RFFL: variants seen among roughly 807,000 people sequenced by gnomAD.
The protein encoded by RFFL is E3 ubiquitin-protein ligase rififylin.
Under a neutral mutation model 40.4 loss-of-function variants are expected in RFFL, and 16 were observed. That is an observed-to-expected ratio of 0.40 (90% CI 0.27 to 0.60). The LOEUF (loss-of-function observed/expected upper bound fraction) is 0.60. Ranked by LOEUF, RFFL falls within the 20% of genes least tolerant of loss-of-function variation. RFFL has a pLI of 0.47. For missense variants in RFFL, 367 were observed against 451.7 expected, an observed-to-expected ratio of 0.81 and a Z score of 1.70; for synonymous variants, 154 against 167.9, an observed-to-expected ratio of 0.92 and a Z score of 0.64.
intron 1 of RFFL, among the ~76,000 whole-genome samples, chr17:35,059,150 G>C (rs1266547380): frequency 1.3e-5 from 2 of 151,538 alleles, no homozygotes; most frequent in Non-Finnish European, 2.9e-5. Context: ...TCCCAAGTAG[G>C]TGGGATTACA....
chr17:35,041,896 T>A (rs901499178), intron 1 of RFFL, among the ~76,000 whole-genome samples: 1 of 152,010 alleles, frequency 6.6e-6, no homozygotes, highest in African/African-American at 2.4e-5. Flanking sequence ...ATGCCTGTAG[T>A]CCCAGCTACT....
At chr17:35,057,851 A>G (rs1166534920) in intron 1 of RFFL, among the ~76,000 whole-genome samples, 2 of 151,950 alleles carry the variant, frequency 1.3e-5, no homozygotes, top group African/African-American at 4.8e-5. Context: ...TCAATCATGC[A>G]TTCAATCAAC....
chr17:35,058,208 ATATC>A (rs1260343576), intron 1 of RFFL, among the ~76,000 whole-genome samples: 2 of 152,020 alleles, frequency 1.3e-5, no homozygotes, highest in Non-Finnish European at 2.9e-5. Context: ...CTTACATATT[ATATC>A]TATCTATCCC....
At chr17:35,045,309 T>G (rs2091192537) in intron 1 of RFFL, among the ~76,000 whole-genome samples, 1 of 152,066 alleles carries the variant, frequency 6.6e-6, no homozygotes, top group Non-Finnish European at 1.5e-5. Context: ...CTCAGATCAC[T>G]GCAACCTCCA....
chr17:35,034,629 A>G (rs2091108092), intron 1 of RFFL, among the ~76,000 whole-genome samples: 1 of 151,940 alleles, frequency 6.6e-6, no homozygotes, highest in South Asian at 2.1e-4. Flanking sequence ...CCCATGTTAA[A>G]GCGATTCTCC....
At chr17:35,063,324 G>A (rs1042624604) in intron 1 of RFFL, among the ~76,000 whole-genome samples, 9 of 151,582 alleles carry the variant, frequency 5.9e-5, no homozygotes, top group Non-Finnish European at 1.0e-4. Context: ...GCATGGTGGC[G>A]CACATCTATA....
At chr17:35,073,430 G>C (rs947794633) in intron 1 of RFFL, among the ~76,000 whole-genome samples, 2 of 152,136 alleles carry the variant, frequency 1.3e-5, no homozygotes, top group African/African-American at 4.8e-5. Flanking sequence ...TTCCAGGTAA[G>C]ATGTGACAGG....
intron 1 of RFFL, among the ~76,000 whole-genome samples, chr17:35,029,376 C>G (rs1282728591): frequency 6.9e-6 from 1 of 145,574 alleles, no homozygotes; most frequent in Non-Finnish European, 1.5e-5. Flanking sequence ...AGGGGTCTCA[C>G]TCTGTCACCC....
At chr17:35,029,350 T>G (rs1013316343) in intron 1 of RFFL, among the ~76,000 whole-genome samples, 2 of 150,030 alleles carry the variant, frequency 1.3e-5, no homozygotes, top group South Asian at 2.1e-4. Flanking sequence ...GTTTTTTTTT[T>G]TTTTTTTTTT....
intron 1 of RFFL, among the ~76,000 whole-genome samples, chr17:35,059,025 T>TC: frequency 6.7e-6 from 1 of 148,922 alleles, no homozygotes; most frequent in African/African-American, 2.5e-5. Flanking sequence ...GAATTTTTTT[T>TC]TTTTTTTTTT....
intron 1 of RFFL, among the ~76,000 whole-genome samples, chr17:35,053,951 T>C (rs2091245580): frequency 6.6e-6 from 1 of 152,198 alleles, no homozygotes; most frequent in Non-Finnish European, 1.5e-5. Context: ...TACAATCCTG[T>C]CTTCAAGACT....
chr17:35,087,088 G>C (rs572500266), intron 1 of RFFL, among the ~76,000 whole-genome samples: 2 of 152,126 alleles, frequency 1.3e-5, no homozygotes, highest in Non-Finnish European at 1.5e-5. Context: ...GGCCTGGCGC[G>C]GTGGCTCACA....
At chr17:35,042,267 A>T (rs1000772327) in intron 1 of RFFL, 1 of 152,252 alleles carries the variant, frequency 6.6e-6, no homozygotes, top group African/African-American at 2.4e-5. Context: ...TTTTAAAAGT[A>T]AGTTAGTCTG....
chr17:35,080,534 G>A (rs959007042), intron 1 of RFFL, among the ~76,000 whole-genome samples: 2 of 152,144 alleles, frequency 1.3e-5, no homozygotes, highest in Non-Finnish European at 2.9e-5. Flanking sequence ...GGTGGGAGAG[G>A]AGGATGCACG....
chr17:35,024,996 C>T (rs1238386073), intron 2 of RFFL, among the ~76,000 whole-genome samples: 3 of 152,176 alleles, frequency 2.0e-5, no homozygotes, highest in African/African-American at 7.2e-5. Context: ...CCTCCAGAAG[C>T]TCTTGTTACA....
intron 1 of RFFL, among the ~76,000 whole-genome samples, chr17:35,072,405 A>C (rs2091355279): frequency 6.6e-6 from 1 of 152,196 alleles, no homozygotes; most frequent in African/African-American, 2.4e-5. Context: ...ATATTTCTGA[A>C]ATGACAAAAT....
chr17:35,066,983 T>C (rs75756219), upstream of RFFL, among the ~76,000 whole-genome samples: 1,616 of 152,198 alleles, frequency 0.011, 33 homozygotes, highest in African/African-American at 0.037. Flanking sequence ...TGAAGTAAAC[T>C]TTATGATACT....
At chr17:35,033,248 G>T (rs1266265354) in intron 1 of RFFL, among the ~76,000 whole-genome samples, 1 of 151,998 alleles carries the variant, frequency 6.6e-6, no homozygotes, top group African/African-American at 2.4e-5. Context: ...AAGTGATATG[G>T]CTGGGCATGG....
At chr17:35,055,094 A>C (rs2091252865) in intron 1 of RFFL, among the ~76,000 whole-genome samples, 1 of 151,722 alleles carries the variant, frequency 6.6e-6, no homozygotes, top group African/African-American at 2.4e-5. Flanking sequence ...ATTTTTTTGT[A>C]TTTTTAGTAG....
Sources: allele counts gnomAD v4.1 joint callset (sites outside exome capture counted in the v4.1 genomes callset), GRCh38; gene constraint gnomAD v4.1.1; transcripts MANE v1.5; gene names NCBI Gene and HGNC (gene_info 2026-07-23, HGNC 2026-07-21).